ARHGEF10: variants seen among roughly 807,000 people sequenced by gnomAD.
The protein encoded by ARHGEF10 is Rho guanine nucleotide exchange factor 10.
A neutral mutation model predicts 147.4 loss-of-function variants in ARHGEF10; 140 were observed. The ratio of observed to expected loss-of-function variants is 0.95; its 90% CI spans 0.83 to 1.09. The LOEUF (loss-of-function observed/expected upper bound fraction) is 1.09, where lower values mean the gene tolerates loss of function less well. Ranked by LOEUF, ARHGEF10 falls within the 50% of genes least tolerant of loss-of-function variation. The pLI is 0.00. For missense variants in ARHGEF10, 2,222 were observed against 1,752.7 expected (o/e 1.27, Z -4.78); for synonymous variants, 902 against 695.8 (o/e 1.30, Z -4.67).
intron 11 of ARHGEF10, among the ~76,000 whole-genome samples, chr8:1,892,737 G>A (rs73671030): frequency 0.09 from 13,710 of 151,994 alleles, 1,720 homozygotes; most frequent in African/African-American, 0.28. Context: ...TGGTGTGCCC[G>A]GGCGTGTGTT....
intron 22 of ARHGEF10, 66 bp downstream of exon 22, chr8:1,925,470 G>C: frequency 6.2e-7 from 1 of 1,602,084 alleles, no homozygotes; most frequent in Non-Finnish European, 8.5e-7. Context: ...GGGCCACTTG[G>C]GAGATGATTC....
At chr8:1,924,572 C>G (rs1234475763) in intron 21 of ARHGEF10, among the ~76,000 whole-genome samples, 1 of 152,188 alleles carries the variant, frequency 6.6e-6, no homozygotes, top group East Asian at 1.9e-4. Flanking sequence ...CGCCATTGCC[C>G]CGGGGAGCTC....
At position 1,868,893 on chromosome 8, in the gene ARHGEF10, A is replaced by T. The variant is rs147050816; in HGVS notation, c.623-301A>T. Among the ~76,000 whole-genome samples the T allele has an allele frequency of 5.5e-3, 830 of 151,946 alleles. 6 individuals are homozygous for T. Among genetic ancestry groups the T allele is most frequent in the African/African-American group, 0.018 (743 of 41,434 alleles). On this transcript the variant is annotated intron_variant, in intron 6 of 28. Coordinates refer to ENST00000349830, the MANE Select transcript of ARHGEF10 (RefSeq NM_014629.4). ...ATAAGTTTGACCTGGAAACCATAAAACTCCTTCCTAGTGACATTTTACAGC... is the reference window on the plus strand; with the variant it reads ...ATAAGTTTGACCTGGAAACCATAAATCTCCTTCCTAGTGACATTTTACAGC...
chr8:1,924,610 C>T (rs1290149152), intron 21 of ARHGEF10, among the ~76,000 whole-genome samples: 1 of 152,180 alleles, frequency 6.6e-6, no homozygotes, highest in African/African-American at 2.4e-5. Context: ...TTGTCCCGGA[C>T]GGGAAAGCCG....
chr8:1,885,524 C>CT (rs57467911), intron 10 of ARHGEF10, 77 bp from the exon 11 acceptor site: 54 of 1,058,544 alleles, frequency 5.1e-5, no homozygotes, highest in Non-Finnish European at 6.4e-5. Flanking sequence ...ATTTATTTGA[C>CT]TTTTTTTTAC....
chr8:1,880,077 G>C lies in ARHGEF10; in HGVS notation c.873G>C (p.Glu291Asp), dbSNP rs1563220243. 8 of 1,613,760 alleles carry C rather than the reference G, an allele frequency of 5.0e-6. No individual in the cohort carries two copies. Among genetic ancestry groups the C allele is most frequent in the African/African-American group, 4.0e-5 (3 of 74,926 alleles). The part of the protein sequence containing the change: ...QLSHDLTRLK[E>D]HYEKKMRDLM... The stretch of plus-strand genomic sequence containing the variant: ...CTCATGACCTAACCCGTTTAAAGGA[G>C]CACTATGAGAAAAAGATGAGAGATT... The change falls in exon 9 of 29, where the codon GAG becomes GAC. Residue 291 changes from glutamate (E) to aspartate (D), a missense_variant. Transcript: ENST00000349830.
Position 1,896,944 on chromosome 8 carries a change from C to A in ARHGEF10, c.1557+495C>A, listed in dbSNP as rs1810025407. ...TCTCTGACCTGGCAGTGATGGGGAGCACGTCCCCTGATGGGTGTGGGTTAG... is the reference window on the plus strand; with the variant it reads ...TCTCTGACCTGGCAGTGATGGGGAGAACGTCCCCTGATGGGTGTGGGTTAG... On this transcript the variant is annotated intron_variant, in intron 14 of 28. Coordinates refer to ENST00000349830, the MANE Select transcript of ARHGEF10 (RefSeq NM_014629.4). Among the ~76,000 whole-genome samples the A allele has an allele frequency of 2.0e-5, 3 of 152,220 alleles. No individual in the cohort carries two copies. In the South Asian group the frequency reaches 6.2e-4, roughly 31 times the overall value.
chr8:1,952,425 C>T (rs755714639), intron 27 of ARHGEF10, among the ~76,000 whole-genome samples: 6 of 152,212 alleles, frequency 3.9e-5, no homozygotes, highest in South Asian at 2.1e-4. Flanking sequence ...ATGGCTGAAG[C>T]GGCCAAGCAG....
At chr8:1,853,957 C>G (rs957716690) in intron 2 of ARHGEF10, among the ~76,000 whole-genome samples, 2 of 152,232 alleles carry the variant, frequency 1.3e-5, no homozygotes, top group South Asian at 4.1e-4. Flanking sequence ...CTGCAGTCAC[C>G]TGTTTGCAGA....
chr8:1,857,912 A>G (rs375269445), intron 2 of ARHGEF10, 48 bp from the exon 3 acceptor site: 240 of 1,382,840 alleles, frequency 1.7e-4, no homozygotes, highest in Middle Eastern at 9.0e-4. Flanking sequence ...CTATCTATCT[A>G]TCTATCTATC....
chr8:1,952,212 G>C (rs1055867006), intron 27 of ARHGEF10, among the ~76,000 whole-genome samples: 2 of 152,218 alleles, frequency 1.3e-5, no homozygotes, highest in African/African-American at 4.8e-5. Context: ...AGGCCGTTCA[G>C]TTCCCCTCTA....
chr8:1,883,883 C>T (rs1016433408), intron 10 of ARHGEF10, among the ~76,000 whole-genome samples: 1 of 152,148 alleles, frequency 6.6e-6, no homozygotes, highest in Admixed American at 6.5e-5. Flanking sequence ...AGCAACCCCC[C>T]AACTGGAGCC....
chr8:1,920,085 C>G (rs1361766513), intron 18 of ARHGEF10, among the ~76,000 whole-genome samples: 3 of 151,886 alleles, frequency 2.0e-5, no homozygotes, highest in African/African-American at 7.3e-5. Context: ...GGTGATGGAG[C>G]TGTTCTGTGG....
chr8:1,841,915 CTGGGG>C (rs1804088005), intron 1 of ARHGEF10, among the ~76,000 whole-genome samples: 2 of 95,606 alleles, frequency 2.1e-5, no homozygotes, highest in African/African-American at 9.9e-5. Flanking sequence ...GCGGCGGGAA[CTGGGG>C]CCGCGGCGGG....
At chr8:1,925,441 G>C (rs372286785) in intron 22 of ARHGEF10, 37 bp downstream of exon 22, 3 of 1,611,480 alleles carry the variant, frequency 1.9e-6, no homozygotes, top group African/African-American at 2.7e-5. Context: ...GGGGTGGGAC[G>C]CACCTCGCAG....
chr8:1,830,721 A>G (rs924856503), intron 1 of ARHGEF10, among the ~76,000 whole-genome samples: 7 of 152,206 alleles, frequency 4.6e-5, no homozygotes, highest in African/African-American at 1.4e-4. Context: ...AAGTAAAGTA[A>G]TATGATGAAA....
At chr8:1,872,022 T>C (rs1027924958) in intron 7 of ARHGEF10, among the ~76,000 whole-genome samples, 1 of 151,796 alleles carries the variant, frequency 6.6e-6, no homozygotes, top group Non-Finnish European at 1.5e-5. Context: ...GACAAGCCTC[T>C]GGTTATATTA....
intron 28 of ARHGEF10, among the ~76,000 whole-genome samples, chr8:1,955,213 TGCTTCCTGAA>T (rs1563339338): frequency 6.9e-5 from 10 of 145,140 alleles, no homozygotes; most frequent in Non-Finnish European, 1.1e-4. Flanking sequence ...GGTAGCCAGG[TGCTTCCTGAA>T]AGGAGGTGCA....
intron 13 of ARHGEF10, among the ~76,000 whole-genome samples, chr8:1,896,044 T>C (rs987156059): frequency 1.3e-5 from 2 of 152,126 alleles, no homozygotes; most frequent in Non-Finnish European, 2.9e-5. Flanking sequence ...ACCATCCTTA[T>C]TTGTCTGTAG....
Sources: allele counts gnomAD v4.1 joint callset (sites outside exome capture counted in the v4.1 genomes callset), GRCh38; gene constraint gnomAD v4.1.1; transcripts MANE v1.5; gene names NCBI Gene and HGNC (gene_info 2026-07-23, HGNC 2026-07-21).